The following C4orf50 variants were observed in gnomAD, a reference collection of about 807,000 sequenced individuals.
The protein encoded by C4orf50 is uncharacterized protein C4orf50.
In C4orf50, 80 loss-of-function variants were observed where a neutral mutation model predicts 77.2. The observed-to-expected ratio is 1.04, with a 90% CI of 0.87 to 1.25. The LOEUF (loss-of-function observed/expected upper bound fraction) is 1.25, where lower values mean the gene tolerates loss of function less well. Ranked by LOEUF, C4orf50 falls within the 50% of genes most tolerant of loss-of-function variation. The probability of loss-of-function intolerance (pLI) is 0.00; values close to 1 mark genes in which losing one functional copy is unlikely to be tolerated. For missense variants in C4orf50, 1,257 were observed against 1,152.9 expected, an observed-to-expected ratio of 1.09 and a Z score of -1.31; for synonymous variants, 532 against 465.3, an observed-to-expected ratio of 1.14 and a Z score of -1.84.
chr4:5,961,420 T>A lies in C4orf50; in HGVS notation c.4276-1794A>T, dbSNP rs561535888. Among the ~76,000 whole-genome samples the A allele has an allele frequency of 9.8e-5, 15 of 152,328 alleles. No individual in the cohort carries two copies. In the South Asian group the frequency reaches 2.5e-3, roughly 25 times the overall value. Reference sequence around the variant, plus strand: ...ATATTGGCAGTTTCCTAGGATTCAGTCTACAACAGTGAACATTTACTGAGC... The same window carrying A: ...ATATTGGCAGTTTCCTAGGATTCAGACTACAACAGTGAACATTTACTGAGC... On this transcript the variant is annotated intron_variant, in intron 33 of 33. Transcript: ENST00000531445.
Position 6,009,570 on chromosome 4 carries a change from C to T in C4orf50, c.427-1038G>A, listed in dbSNP as rs1377807132. Among the ~76,000 whole-genome samples, 3 of 152,090 alleles carry T rather than the reference C, an allele frequency of 2.0e-5. No individual in the cohort carries two copies. Among genetic ancestry groups the T allele is most frequent in the Non-Finnish European group, 2.9e-5 (2 of 68,032 alleles). On this transcript the variant is annotated intron_variant, in intron 24 of 33. Coordinates refer to ENST00000531445, the Ensembl canonical transcript of C4orf50. This position sits in a 1 kb window ranked among gnomAD's most constrained non-coding sequence, Gnocchi z 5.6. ...TCTGTAATGATCTTTGCATGGTGCC[C>T]GGTGGAGGGATTTCAGAGCCTAGAT...
At chr4:5,967,296 T>A in intron 32 of C4orf50, 118 bp downstream of exon 10, 1 of 818,400 alleles carries the variant, frequency 1.2e-6, no homozygotes, top group Non-Finnish European at 2.1e-6. Context: ...GTCCTGTTCC[T>A]TTTAGTAGCA....
chr4:5,979,641 G>T (rs1720462471), intron 29 of C4orf50, among the ~76,000 whole-genome samples: 1 of 152,192 alleles, frequency 6.6e-6, no homozygotes, highest in Non-Finnish European at 1.5e-5. Context: ...TTAGAGACAG[G>T]GTCTTGCTCT....
downstream of C4orf50, among the ~76,000 whole-genome samples, chr4:5,952,849 C>T (rs773210290): frequency 1.3e-5 from 2 of 152,176 alleles, no homozygotes; most frequent in African/African-American, 4.8e-5. The surrounding 1 kb of genome is among the most constrained non-coding windows in gnomAD (Gnocchi z 4.4). Context: ...AAGAACGACT[C>T]GTTTTGGCAC....
At chr4:5,987,568 AGAAG>A (rs1195935004) in intron 28 of C4orf50, among the ~76,000 whole-genome samples, 2 of 151,696 alleles carry the variant, frequency 1.3e-5, no homozygotes, top group Non-Finnish European at 2.9e-5. Flanking sequence ...GAGAAAGGAA[AGAAG>A]GAAGAGAGAG....
intron 31 of C4orf50, among the ~76,000 whole-genome samples, chr4:5,971,039 G>A (rs549938764): frequency 1.1e-4 from 16 of 152,288 alleles, no homozygotes; most frequent in African/African-American, 3.1e-4. Context: ...TCAGGACACT[G>A]TGAGCAACAG....
chr4:5,920,880 C>T (rs969154342), intron 7 of C4orf50, among the ~76,000 whole-genome samples: 3 of 152,320 alleles, frequency 2.0e-5, no homozygotes, highest in African/African-American at 2.4e-5. Flanking sequence ...CTGTGAGCTC[C>T]GAGGGGTACT....
chr4:5,970,666 T>C lies in C4orf50; in HGVS notation c.4104+2993A>G, dbSNP rs111682807. 7.6e-4 allele frequency among the ~76,000 whole-genome samples: 116 copies of C among 151,776 alleles called. No homozygotes were observed. The highest frequency in any genetic ancestry group is 1.6e-3 in the Non-Finnish European group (109 of 67,912). ...CCCAAACCAGGACAAGAAAAGAAAA[T>C]GGAAATACAAAGACTCAGTCACGTG... On this transcript the variant is annotated intron_variant, in intron 31 of 33. Transcript: ENST00000531445. The surrounding 1 kb of genome is among the most constrained non-coding windows in gnomAD (Gnocchi z 4.3).
At chr4:5,964,344 C>T (rs1316552204) in intron 33 of C4orf50, among the ~76,000 whole-genome samples, 1 of 152,064 alleles carries the variant, frequency 6.6e-6, no homozygotes, top group Admixed American at 6.5e-5. Context: ...AACTCCTTGT[C>T]GACTCAGCCT....
At chr4:5,906,518 A>C (rs1191062606) in intron 7 of C4orf50, among the ~76,000 whole-genome samples, 1 of 152,184 alleles carries the variant, frequency 6.6e-6, no homozygotes, top group Non-Finnish European at 1.5e-5. Flanking sequence ...CCAGATTAAT[A>C]AACATATCTG....
intron 25 of C4orf50, among the ~76,000 whole-genome samples, chr4:6,002,745 G>A (rs1322696997): frequency 2.0e-5 from 3 of 152,200 alleles, no homozygotes; most frequent in African/African-American, 7.2e-5. Context: ...TCAGCTGCAT[G>A]AGCACCCACC....
intron 28 of C4orf50, among the ~76,000 whole-genome samples, chr4:5,980,946 T>A (rs1019785586): frequency 6.6e-6 from 1 of 152,180 alleles, no homozygotes; most frequent in Non-Finnish European, 1.5e-5. Context: ...CCAAAGGGAA[T>A]TTCTGGGAGG....
At chr4:6,003,376 A>G (rs1173378884) in intron 25 of C4orf50, among the ~76,000 whole-genome samples, 3 of 152,214 alleles carry the variant, frequency 2.0e-5, no homozygotes, top group African/African-American at 7.2e-5. Flanking sequence ...GATTTACCCA[A>G]CATCCTACTA....
chr4:6,011,680 A>G lies in C4orf50; in HGVS notation c.426+150T>C. The G allele has an allele frequency of 2.5e-6, 1 of 396,426 alleles. No homozygotes were observed. Among genetic ancestry groups the G allele is most frequent in the Non-Finnish European group, 4.4e-6 (1 of 225,408 alleles). 24.6% of individuals were successfully genotyped at this position (396,426 alleles called of 1,614,324 possible). A position where few individuals can be genotyped will look rare whatever the true frequency, so the allele number is the denominator to read the frequency against. On this transcript the variant is annotated intron_variant, in intron 24 of 33. Transcript: ENST00000531445. The surrounding 1 kb of genome is among the most constrained non-coding windows in gnomAD (Gnocchi z 4.2). ...ATGCCCCAGGCCCCGCAGTCACGCC[A>G]TGCACCATGAACGTAGGATCTCTCT...
intron 28 of C4orf50, among the ~76,000 whole-genome samples, chr4:5,986,064 G>A (rs1238244166): frequency 6.6e-6 from 1 of 152,188 alleles, no homozygotes; most frequent in Non-Finnish European, 1.5e-5. Context: ...CACACTCAGA[G>A]TGGAAGATTT....
At position 5,967,161 on chromosome 4, in the gene C4orf50, T is replaced by C. The variant is rs959008369; in HGVS notation, c.4153+253A>G. Among the ~76,000 whole-genome samples, 4 of 152,188 alleles carry C rather than the reference T, an allele frequency of 2.6e-5. 1 individual carries two copies. Among genetic ancestry groups the C allele is most frequent in the Middle Eastern group, 6.3e-3 (2 of 316 alleles). ...CCTTCCACATACAGAATTATCTACTTAGGATGAGTTTCCAGGAGTGAAACT... is the reference window on the plus strand; with the variant it reads ...CCTTCCACATACAGAATTATCTACTCAGGATGAGTTTCCAGGAGTGAAACT... On this transcript the variant is annotated intron_variant, in intron 32 of 33. Transcript: ENST00000531445.
In C4orf50 at chr4:5,986,157, G is replaced by C. The variant is rs907441597; in HGVS notation, c.3699+2190C>G. Among the ~76,000 whole-genome samples the C allele has an allele frequency of 4.6e-5, 7 of 152,180 alleles. 1 individual carries two copies. The highest frequency in any genetic ancestry group is 1.0e-4 in the Non-Finnish European group (7 of 68,030). ...GAGATTTTGTTAGGACAATTAACCAGCTTGGCCTAATTGATATACAACAAT... is the reference window on the plus strand; with the variant it reads ...GAGATTTTGTTAGGACAATTAACCACCTTGGCCTAATTGATATACAACAAT... On this transcript the variant is annotated intron_variant, in intron 28 of 33. Coordinates refer to ENST00000531445, the Ensembl canonical transcript of C4orf50.
intron 7 of C4orf50, chr4:5,902,441 G>T (rs1716380772): frequency 6.6e-6 from 1 of 152,168 alleles, no homozygotes; most frequent in African/African-American, 2.4e-5. Context: ...CTCTGAAGCT[G>T]GTTGTTCCCA....
chr4:5,991,950 G>C lies in C4orf50; in HGVS notation c.1221+853C>G, dbSNP rs546415774. On this transcript the variant is annotated intron_variant, in intron 27 of 33. Coordinates refer to ENST00000531445, the Ensembl canonical transcript of C4orf50. ...CAATGTCCTTCCATCCAGACACCAAGGCACTGTCCCAGCTGCCCACAGAGA... is the reference window on the plus strand; with the variant it reads ...CAATGTCCTTCCATCCAGACACCAACGCACTGTCCCAGCTGCCCACAGAGA... Among the ~76,000 whole-genome samples, 4 of 152,292 alleles carry C rather than the reference G, an allele frequency of 2.6e-5. No individual in the cohort carries two copies. In the South Asian group the frequency reaches 8.3e-4, roughly 32 times the overall value.
Sources: gnomAD v4.1 joint callset for allele counts (sites outside exome capture counted in the v4.1 genomes callset) on GRCh38, gnomAD v4.1.1 for gene constraint, Gnocchi (gnomAD v3.1) non-coding constraint, MANE v1.5 for transcripts, NCBI Gene and HGNC (gene_info 2026-07-23, HGNC 2026-07-21) for gene names.